KCNQ1: variants seen among roughly 807,000 people sequenced by gnomAD.
KCNQ1 encodes the protein potassium voltage-gated channel subfamily KQT member 1.
Under a neutral mutation model 72.4 loss-of-function variants are expected in KCNQ1, and 49 were observed. The ratio of observed to expected loss-of-function variants is 0.68; its 90% confidence interval spans 0.54 to 0.86. The LOEUF is 0.86. Ranked by LOEUF, KCNQ1 falls within the 40% of genes least tolerant of loss-of-function variation. KCNQ1 has a pLI of 0.00. For missense variants in KCNQ1, 790 were observed against 945.1 expected (o/e 0.84, Z 2.15); for synonymous variants, 450 against 412.6 (o/e 1.09, Z -1.10).
Position 2,608,853 on chromosome 11 carries a change from C to G in KCNQ1, c.1393+19999C>G, listed in dbSNP as rs565075529. 1 of 398,406 alleles carries G rather than the reference C, an allele frequency of 2.5e-6. No homozygotes were observed. Among genetic ancestry groups the G allele is most frequent in the South Asian group, 1.3e-4 (1 of 7,850 alleles). 24.7% of individuals were successfully genotyped at this position (398,406 alleles called of 1,614,324 possible). A position where few individuals can be genotyped will look rare whatever the true frequency, so the allele number is the denominator to read the frequency against. ...CTGATTTTAGTAATTTGAGTTTTCT[C>G]TCTCCCCCTTTGCCTCATGCACTTC... On this transcript the variant is annotated intron_variant, in intron 10 of 15. Coordinates refer to ENST00000155840, the MANE Select transcript of KCNQ1 (RefSeq NM_000218.3). The surrounding 1 kb of genome is among the most constrained non-coding windows in gnomAD (Gnocchi z 4.6).
In KCNQ1 at chr11:2,848,313, G is replaced by A. The variant is rs1183750306; in HGVS notation, c.*310G>A. ...TTGGGACCCAGTGGCAGGGCACAGG[G>A]CCTGGCCCATGTATGGCCAGGAAGT... is the stretch of plus-strand genomic sequence containing the variant. On this transcript the variant is annotated 3_prime_UTR_variant, in exon 16 of 16. Coordinates refer to ENST00000155840, the MANE Select transcript of KCNQ1 (RefSeq NM_000218.3). 3 of 619,968 alleles carry A rather than the reference G, an allele frequency of 4.8e-6. No homozygotes were observed. The highest frequency in any genetic ancestry group is 9.0e-6 in the Non-Finnish European group (3 of 333,264). The allele number at this position is 619,968 out of a possible 1,614,324, so 38.4% of individuals were successfully genotyped here.
chr11:2,719,500 C>A (rs231886), intron 11 of KCNQ1, among the ~76,000 whole-genome samples: 17,055 of 143,568 alleles, frequency 0.12, 1,246 homozygotes, highest in Middle Eastern at 0.19. Flanking sequence ...AACAAACAAA[C>A]AAAAAAAAAA....
At position 2,663,087 on chromosome 11, in the gene KCNQ1, A is replaced by T. The variant is rs552569976; in HGVS notation, c.1514+1006A>T. On this transcript the variant is annotated intron_variant, in intron 11 of 15. Coordinates refer to ENST00000155840, the MANE Select transcript of KCNQ1 (RefSeq NM_000218.3). The surrounding 1 kb of genome is among the most constrained non-coding windows in gnomAD (Gnocchi z 5.2). ...AGGGTTGGGTAGCCAGAATGAGGCC[A>T]CCTCCAGGGAAGGAGTGGCTATCTT... 3 of 398,596 alleles carry T rather than the reference A, an allele frequency of 7.5e-6. No homozygotes were observed. The highest frequency in any genetic ancestry group is 6.2e-5 in the African/African-American group (3 of 48,714). 24.7% of individuals were successfully genotyped at this position (398,596 alleles called of 1,614,324 possible). A position where few individuals can be genotyped will look rare whatever the true frequency, so the allele number is the denominator to read the frequency against.
chr11:2,719,331 CAAAA>C (rs34225799), intron 11 of KCNQ1, among the ~76,000 whole-genome samples: 1 of 126,018 alleles, frequency 7.9e-6, no homozygotes, highest in African/African-American at 3.1e-5. Flanking sequence ...CTGTCTCTAC[CAAAA>C]AAAAAAAAAA....
intron 2 of KCNQ1, among the ~76,000 whole-genome samples, chr11:2,540,199 G>A (rs1446143062): frequency 1.3e-5 from 2 of 152,306 alleles, no homozygotes; most frequent in East Asian, 3.9e-4. Flanking sequence ...GCAGCAGCCT[G>A]GGGAGGGGGC....
chr11:2,552,011 C>T (rs1198572346), intron 2 of KCNQ1, among the ~76,000 whole-genome samples: 1 of 152,156 alleles, frequency 6.6e-6, no homozygotes, highest in Non-Finnish European at 1.5e-5. Context: ...ATCTGTTTTA[C>T]AAATATTTTC....
rs184479438 is a variant in KCNQ1, at chr11:2,612,839, T to C, written c.1393+23985T>C. 87 of 398,640 alleles carry C rather than the reference T, an allele frequency of 2.2e-4. No homozygotes were observed. The highest frequency in any genetic ancestry group is 1.7e-3 in the African/African-American group (82 of 48,752). 24.7% of individuals were successfully genotyped at this position (398,640 alleles called of 1,614,324 possible). A position where few individuals can be genotyped will look rare whatever the true frequency, so the allele number is the denominator to read the frequency against. The stretch of plus-strand genomic sequence containing the variant: ...TGTTAAAAACTTACTTTAGATAATA[T>C]ATCGTAGAAACTCTGGATTCTAGTT... On this transcript the variant is annotated intron_variant, in intron 10 of 15. Coordinates refer to ENST00000155840, the MANE Select transcript of KCNQ1 (RefSeq NM_000218.3). This position sits in a 1 kb window ranked among gnomAD's most constrained non-coding sequence, Gnocchi z 5.5.
At position 2,451,462 on chromosome 11, in the gene KCNQ1, G is replaced by A. The variant is rs1236806727; in HGVS notation, c.386+5978G>A. On this transcript the variant is annotated intron_variant, in intron 1 of 15. Transcript: ENST00000155840. This position sits in a 1 kb window ranked among gnomAD's most constrained non-coding sequence, Gnocchi z 6.4. ...CGGGGTTGGAGAACCCTGTCTTAGA[G>A]GATTGAGGCTCGGGGCCATGGGATC... Among the ~76,000 whole-genome samples, 2 of 152,220 alleles carry A rather than the reference G, an allele frequency of 1.3e-5. No individual in the cohort carries two copies. The highest frequency in any genetic ancestry group is 3.9e-4 in the East Asian group (2 of 5,184).
intron 2 of KCNQ1, among the ~76,000 whole-genome samples, chr11:2,532,007 T>C (rs1847642420): frequency 6.6e-6 from 1 of 152,224 alleles, no homozygotes; most frequent in African/African-American, 2.4e-5. Context: ...AGGCCAAGCC[T>C]TGGACATTCC....
intron 1 of KCNQ1, among the ~76,000 whole-genome samples, chr11:2,525,552 G>A (rs779197322): frequency 5.3e-5 from 8 of 152,256 alleles, no homozygotes; most frequent in South Asian, 2.1e-4. Context: ...TGTGGAGGGT[G>A]GGGGTGCAGA....
In KCNQ1 at chr11:2,669,554, G is replaced by A. The variant is rs1850144639; in HGVS notation, c.1514+7473G>A. ...GAATCCAGGGACAAGGTCTGTCAGG[G>A]AGCCCTGGCCAGCTTGGGTCATTTC... On this transcript the variant is annotated intron_variant, in intron 11 of 15. Coordinates refer to ENST00000155840, the MANE Select transcript of KCNQ1 (RefSeq NM_000218.3). The surrounding 1 kb of genome is among the most constrained non-coding windows in gnomAD (Gnocchi z 5.6). The A allele has an allele frequency of 2.5e-6, 1 of 398,498 alleles. No homozygotes were observed. Among genetic ancestry groups the A allele is most frequent in the Non-Finnish European group, 4.4e-6 (1 of 226,092 alleles). The allele number at this position is 398,498 out of a possible 1,614,324, so 24.7% of individuals were successfully genotyped here.
At chr11:2,776,795 GC>G (rs912444561) in intron 13 of KCNQ1, among the ~76,000 whole-genome samples, 190 bp from the exon 14 acceptor site, 67 of 152,338 alleles carry the variant, frequency 4.4e-4, no homozygotes, top group African/African-American at 1.5e-3. Flanking sequence ...TCCCTGCTCA[GC>G]CCCCTCGGGA....
chr11:2,568,476 T>C (rs1193786297), intron 2 of KCNQ1, among the ~76,000 whole-genome samples: 1 of 152,118 alleles, frequency 6.6e-6, no homozygotes, highest in Non-Finnish European at 1.5e-5. Flanking sequence ...GACTTGGAGC[T>C]CTGTGTTTCC....
At chr11:2,646,599 C>A in intron 10 of KCNQ1, 2 of 398,590 alleles carry the variant, frequency 5.0e-6, no homozygotes, top group South Asian at 2.6e-4. Flanking sequence ...AATTTCTGCT[C>A]ACTGCAACCT....
At chr11:2,539,263 G>T (rs1384468589) in intron 2 of KCNQ1, among the ~76,000 whole-genome samples, 1 of 152,186 alleles carries the variant, frequency 6.6e-6, no homozygotes, top group African/African-American at 2.4e-5. Flanking sequence ...GTCCTCTTGG[G>T]CCCCAGAAAG....
Position 2,535,080 on chromosome 11 carries a change from C to G in KCNQ1, c.477+7062C>G, listed in dbSNP as rs147388667. The stretch of plus-strand genomic sequence containing the variant: ...CCTGCAGCTCTGCCCAGCCAGACTT[C>G]AGGTCACTGCCCCATGAGCCTGTAG... On this transcript the variant is annotated intron_variant, in intron 2 of 15. Coordinates refer to ENST00000155840, the MANE Select transcript of KCNQ1 (RefSeq NM_000218.3). Among the ~76,000 whole-genome samples, 462 of 152,358 alleles carry G rather than the reference C, an allele frequency of 3.0e-3. 4 individuals carry two copies. The highest frequency in any genetic ancestry group is 0.011 in the African/African-American group (443 of 41,588).
Position 2,620,926 on chromosome 11 carries a change from T to TTTG in KCNQ1, c.1393+32084_1393+32086dup. ...GCATCCCATTATGGTTTGGTGTTTTTTTGTTGTTGTTGTTTTGTTTTGTTT... is the reference window on the plus strand; with the variant it reads ...GCATCCCATTATGGTTTGGTGTTTTTTTGTTGTTGTTGTTGTTTTGTTTTGTTT... On this transcript the variant is annotated intron_variant, in intron 10 of 15. Coordinates refer to ENST00000155840, the MANE Select transcript of KCNQ1 (RefSeq NM_000218.3). This position sits in a 1 kb window ranked among gnomAD's most constrained non-coding sequence, Gnocchi z 4.5. 2.6e-6 allele frequency: 1 copy of TTTG among 380,012 alleles called. No individual in the cohort carries two copies. The highest frequency in any genetic ancestry group is 4.5e-6 in the Non-Finnish European group (1 of 220,608). 23.5% of individuals were successfully genotyped at this position (380,012 alleles called of 1,614,324 possible).
Position 2,544,963 on chromosome 11 carries a change from C to T in KCNQ1, c.477+16945C>T, listed in dbSNP as rs1847885169. On this transcript the variant is annotated intron_variant, in intron 2 of 15. Coordinates refer to ENST00000155840, the MANE Select transcript of KCNQ1 (RefSeq NM_000218.3). This position sits in a 1 kb window ranked among gnomAD's most constrained non-coding sequence, Gnocchi z 4.4. ...AGATGTCTTTACCAGGTTAAGGAAA[C>T]GTCCCCTCTAATACTATAGCTGAGA... is the stretch of plus-strand genomic sequence containing the variant. Among the ~76,000 whole-genome samples, 1 of 152,178 alleles carries T rather than the reference C, an allele frequency of 6.6e-6. No individual in the cohort carries two copies. The highest frequency in any genetic ancestry group is 6.5e-5 in the Admixed American group (1 of 15,278).
chr11:2,581,896 G>A (rs1848504457), intron 6 of KCNQ1, among the ~76,000 whole-genome samples: 1 of 152,232 alleles, frequency 6.6e-6, no homozygotes, highest in South Asian at 2.1e-4. Context: ...GCATGTGTGT[G>A]TCTCTTAAGG....
Sources: allele counts gnomAD v4.1 joint callset (sites outside exome capture counted in the v4.1 genomes callset), GRCh38; gene constraint gnomAD v4.1.1; non-coding constraint Gnocchi (gnomAD v3.1); transcripts MANE v1.5; gene names NCBI Gene and HGNC (gene_info 2026-07-23, HGNC 2026-07-21).